The following CIDEA variants were observed in gnomAD, a reference collection of about 807,000 sequenced individuals.
The protein encoded by CIDEA is cell death inducing DFFA like effector a.
In CIDEA, 10 loss-of-function variants were observed where a neutral mutation model predicts 18.2. The observed-to-expected ratio is 0.55, with a 90% CI of 0.34 to 0.93. The LOEUF (loss-of-function observed/expected upper bound fraction) is 0.93. Ranked by LOEUF, CIDEA falls within the 40% of genes least tolerant of loss-of-function variation. The pLI is 0.02. For synonymous variants in CIDEA, 128 were observed against 124.8 expected, an observed-to-expected ratio of 1.03 and a Z score of -0.17; for missense variants, 309 against 293.1, an observed-to-expected ratio of 1.05 and a Z score of -0.40.
intron 3 of CIDEA, among the ~76,000 whole-genome samples, chr18:12,268,580 G>T (rs1223534409): frequency 6.6e-6 from 1 of 151,570 alleles, no homozygotes; most frequent in African/African-American, 2.4e-5. Context: ...GTAGAGACAG[G>T]GTTTTGCCAT....
intron 1 of CIDEA, among the ~76,000 whole-genome samples, chr18:12,259,307 A>G (rs889481943): frequency 2.0e-5 from 3 of 152,250 alleles, no homozygotes; most frequent in Non-Finnish European, 4.4e-5. Context: ...CTGTGCTTTC[A>G]GCCATAGAGC....
intron 1 of CIDEA, among the ~76,000 whole-genome samples, chr18:12,259,414 A>C (rs961167072): frequency 4.6e-5 from 7 of 152,252 alleles, no homozygotes; most frequent in South Asian, 2.1e-4. Flanking sequence ...AACCAAAAAA[A>C]GTCTTGGCTT....
chr18:12,267,960 C>T (rs1912397559), intron 3 of CIDEA, among the ~76,000 whole-genome samples: 2 of 152,154 alleles, frequency 1.3e-5, no homozygotes, highest in East Asian at 1.9e-4. Flanking sequence ...AGGACAACCC[C>T]GACAGCAAAG....
chr18:12,263,717 A>G (rs1284812379), intron 2 of CIDEA: 3 of 152,304 alleles, frequency 2.0e-5, no homozygotes, highest in African/African-American at 7.2e-5. Flanking sequence ...AGAGAAGCAT[A>G]ACTCAGACTC....
At chr18:12,268,528 C>T (rs556994184) in intron 3 of CIDEA, among the ~76,000 whole-genome samples, 109 of 151,866 alleles carry the variant, frequency 7.2e-4, no homozygotes, top group Non-Finnish European at 6.6e-4. Context: ...GCTGGGACTA[C>T]AGGCATGTGC....
At position 12,277,306 on chromosome 18, in the gene CIDEA, TGTGTTTC is replaced by T. The variant is rs749710886; in HGVS notation, c.*39_*45del. The T allele has an allele frequency of 6.2e-7, 1 of 1,610,894 alleles. No homozygotes were observed. The highest frequency in any genetic ancestry group is 1.1e-5 in the South Asian group (1 of 90,986). ...TGTCGCCGGCTCTTGAGCCAAACACTGTGTTTCGTTTGGCTCAATGACGAATGTTGAA... is the reference window on the plus strand; with the variant it reads ...TGTCGCCGGCTCTTGAGCCAAACACTGTTTGGCTCAATGACGAATGTTGAA... On this transcript the variant is annotated 3_prime_UTR_variant, in exon 5 of 5. Coordinates refer to ENST00000320477, the MANE Select transcript of CIDEA (RefSeq NM_001279.4).
intron 3 of CIDEA, among the ~76,000 whole-genome samples, chr18:12,270,755 T>C (rs918286094): frequency 1.4e-5 from 2 of 146,052 alleles, no homozygotes; most frequent in African/African-American, 5.2e-5. Context: ...CTATTAATTG[T>C]GGGGTGAATT....
chr18:12,267,236 G>A (rs937704059), intron 3 of CIDEA, among the ~76,000 whole-genome samples: 8 of 152,306 alleles, frequency 5.3e-5, no homozygotes, highest in Middle Eastern at 3.4e-3. Flanking sequence ...GTGTTAGAGC[G>A]TCCATGGCAG....
At chr18:12,258,311 G>C (rs572416850) in intron 1 of CIDEA, among the ~76,000 whole-genome samples, 3 of 152,356 alleles carry the variant, frequency 2.0e-5, no homozygotes, top group African/African-American at 7.2e-5. Context: ...GGTCACCGGA[G>C]CACAGGTGCT....
intron 3 of CIDEA, among the ~76,000 whole-genome samples, chr18:12,267,548 C>A (rs1912385602): frequency 6.6e-6 from 1 of 152,248 alleles, no homozygotes; most frequent in South Asian, 2.1e-4. Flanking sequence ...CCCAAACAGC[C>A]TTTGGCATGA....
At chr18:12,273,115 C>T (rs1006028177) in intron 3 of CIDEA, among the ~76,000 whole-genome samples, 12 of 152,138 alleles carry the variant, frequency 7.9e-5, no homozygotes, top group African/African-American at 2.4e-4. Flanking sequence ...CAACTGGAAC[C>T]ACAGGTGGGT....
At chr18:12,276,996 T>C (rs1598784862) in intron 4 of CIDEA, 127 bp from the exon 5 acceptor site, 2 of 1,003,788 alleles carry the variant, frequency 2.0e-6, no homozygotes, top group East Asian at 2.4e-5. Context: ...CAGACAGCCA[T>C]GCTCTAAATG....
chr18:12,277,266 G>T lies in CIDEA; in HGVS notation c.656G>T (p.Gly219Val), dbSNP rs1003209855. The change falls in exon 5 of 5, where the codon GGA becomes GTA. Residue 219 changes from glycine to valine, a missense_variant. Gly to Val is a moderately radical substitution (Grantham distance 109, BLOSUM62 -3). Coordinates refer to ENST00000320477, the MANE Select transcript of CIDEA (RefSeq NM_001279.4). ...CAAGCCAAGGGCAGGTTCACGTGTG[G>T]ATAGGGATGCAGGCTGTCGCCGGCT... ...RSQAKGRFTC[G>V] 1.2e-6 allele frequency: 2 copies of T among 1,614,178 alleles called. No homozygotes were observed. Among genetic ancestry groups the T allele is most frequent in the African/African-American group, 1.3e-5 (1 of 75,048 alleles).
chr18:12,255,587 A>T (rs942532438), intron 1 of CIDEA, among the ~76,000 whole-genome samples: 2 of 152,146 alleles, frequency 1.3e-5, no homozygotes, highest in African/African-American at 4.8e-5. Context: ...AGAACCATCC[A>T]CACCACAGTC....
chr18:12,259,658 G>A (rs1912134514), intron 1 of CIDEA, among the ~76,000 whole-genome samples: 1 of 152,162 alleles, frequency 6.6e-6, no homozygotes. Flanking sequence ...TCAGGAGTTG[G>A]AGACAAGCCT....
At chr18:12,258,926 A>G (rs1464605510) in intron 1 of CIDEA, among the ~76,000 whole-genome samples, 1 of 152,206 alleles carries the variant, frequency 6.6e-6, no homozygotes, top group Non-Finnish European at 1.5e-5. Flanking sequence ...CGTGAAATGT[A>G]ACACAGCCCG....
chr18:12,261,063 C>A (rs187310236), intron 1 of CIDEA, among the ~76,000 whole-genome samples: 1 of 152,266 alleles, frequency 6.6e-6, no homozygotes, highest in African/African-American at 2.4e-5. Context: ...TATTTGCAAT[C>A]ATTTTGTTAT....
At chr18:12,255,824 G>T (rs1344059604) in intron 1 of CIDEA, among the ~76,000 whole-genome samples, 1 of 152,186 alleles carries the variant, frequency 6.6e-6, no homozygotes, top group African/African-American at 2.4e-5. Flanking sequence ...TCTGTGTGGG[G>T]TCTCTGTGAG....
intron 1 of CIDEA, chr18:12,254,859 G>C (rs866312658): frequency 2.3e-6 from 3 of 1,331,648 alleles, no homozygotes; most frequent in East Asian, 4.9e-5. Flanking sequence ...AAATCACAAC[G>C]GGAGCTGGGC....
Sources: gnomAD v4.1 joint callset for allele counts (sites outside exome capture counted in the v4.1 genomes callset) on GRCh38, gnomAD v4.1.1 for gene constraint, MANE v1.5 for transcripts, NCBI Gene and HGNC (gene_info 2026-07-23, HGNC 2026-07-21) for gene names.